The following KCNT2 variants were observed in gnomAD, a reference collection of about 807,000 sequenced individuals.
KCNT2 encodes potassium channel subfamily T member 2.
Under a neutral mutation model 153.8 loss-of-function variants are expected in KCNT2, and 67 were observed. That is an observed-to-expected ratio of 0.44 (90% CI 0.36 to 0.53). The LOEUF is 0.53. KCNT2 is among the 20% of genes least tolerant of loss of function. The pLI is 0.00. For synonymous variants in KCNT2, 500 were observed against 458.8 expected (o/e 1.09, Z -1.15); for missense variants, 975 against 1,354.8 (o/e 0.72, Z 4.40).
intron 21 of KCNT2, among the ~76,000 whole-genome samples, chr1:196,305,775 C>G (rs889550206): frequency 6.6e-6 from 1 of 152,054 alleles, no homozygotes; most frequent in Admixed American, 6.6e-5. Context: ...TCCTATGGCT[C>G]CTTATTCTCA....
chr1:196,592,732 T>C (rs1663531883), intron 1 of KCNT2, among the ~76,000 whole-genome samples: 1 of 147,048 alleles, frequency 6.8e-6, no homozygotes, highest in African/African-American at 2.5e-5. Context: ...TATATACATA[T>C]ATATATATAG....
At chr1:196,491,612 G>A (rs929477162) in intron 2 of KCNT2, among the ~76,000 whole-genome samples, 2 of 151,990 alleles carry the variant, frequency 1.3e-5, no homozygotes, top group African/African-American at 4.8e-5. Context: ...GAAGCAACAA[G>A]CATCAGCGGC....
intron 3 of KCNT2, among the ~76,000 whole-genome samples, chr1:196,489,209 T>A (rs1679669933): frequency 6.6e-6 from 1 of 151,948 alleles, no homozygotes; most frequent in Non-Finnish European, 1.5e-5. Flanking sequence ...AGGCAAAAGT[T>A]AGATTACTAA....
intron 1 of KCNT2, among the ~76,000 whole-genome samples, chr1:196,512,120 G>A (rs1489282507): frequency 6.6e-6 from 1 of 152,050 alleles, no homozygotes; most frequent in East Asian, 1.9e-4. Flanking sequence ...TCAGCATTAG[G>A]CACAGTTGAT....
chr1:196,589,354 A>G (rs1312681563), intron 1 of KCNT2, among the ~76,000 whole-genome samples: 1 of 152,050 alleles, frequency 6.6e-6, no homozygotes, highest in Non-Finnish European at 1.5e-5. Flanking sequence ...CCAACTTTAC[A>G]TTTTTTAATG....
chr1:196,318,580 T>C (rs1662967446), intron 20 of KCNT2, among the ~76,000 whole-genome samples: 3 of 151,810 alleles, frequency 2.0e-5, no homozygotes, highest in South Asian at 2.1e-4. Context: ...AAAAAGATGA[T>C]TGGTTATAAA....
At chr1:196,243,651 T>C (rs73063979) in intron 26 of KCNT2, among the ~76,000 whole-genome samples, 10,128 of 152,172 alleles carry the variant, frequency 0.067, 1,081 homozygotes, top group African/African-American at 0.23. Flanking sequence ...CTTAGACAAG[T>C]TCTAGCCAGA....
intron 1 of KCNT2, among the ~76,000 whole-genome samples, chr1:196,512,453 TTC>T (rs1378594149): frequency 6.6e-6 from 1 of 152,186 alleles, no homozygotes; most frequent in East Asian, 1.9e-4. Context: ...AAATTCCTTG[TTC>T]TCTTCCCTGA....
chr1:196,279,463 C>T (rs1442752303), intron 25 of KCNT2, among the ~76,000 whole-genome samples: 1 of 151,956 alleles, frequency 6.6e-6, no homozygotes, highest in Non-Finnish European at 1.5e-5. Flanking sequence ...CGCTCTGTCA[C>T]CCAGGCTGGA....
At chr1:196,253,951 T>A (rs1455157130) in intron 26 of KCNT2, among the ~76,000 whole-genome samples, 1 of 151,536 alleles carries the variant, frequency 6.6e-6, no homozygotes, top group East Asian at 1.9e-4. Context: ...AATATATGTA[T>A]AAGTGCAATT....
At chr1:196,479,364 TA>T (rs1210468638) in intron 4 of KCNT2, 126 bp from the exon 5 acceptor site, 2 of 585,746 alleles carry the variant, frequency 3.4e-6, no homozygotes, top group Non-Finnish European at 6.0e-6. Flanking sequence ...TAATAGGACT[TA>T]TTAGGCGGTA....
chr1:196,505,400 G>T (rs920587930), intron 1 of KCNT2, among the ~76,000 whole-genome samples: 1 of 152,042 alleles, frequency 6.6e-6, no homozygotes, highest in South Asian at 2.1e-4. Flanking sequence ...TTGTAGATAT[G>T]AGGCATTATT....
intron 8 of KCNT2, among the ~76,000 whole-genome samples, chr1:196,452,090 T>C (rs972901327): frequency 2.6e-5 from 4 of 151,986 alleles, no homozygotes; most frequent in Non-Finnish European, 5.9e-5. Context: ...GAGATCCCTC[T>C]ATAACTTCCC....
At chr1:196,514,226 G>A (rs1681871679) in intron 1 of KCNT2, among the ~76,000 whole-genome samples, 1 of 152,152 alleles carries the variant, frequency 6.6e-6, no homozygotes. Flanking sequence ...CATTTGCTGA[G>A]TGTTGAATGA....
chr1:196,584,168 G>GATAAAATAAAGTAAAATAAA (rs1553259547), intron 1 of KCNT2, among the ~76,000 whole-genome samples: 3 of 140,988 alleles, frequency 2.1e-5, no homozygotes, highest in Non-Finnish European at 4.6e-5. Flanking sequence ...CTGGAATTAA[G>GATAAAATAAAGTAAAATAAA]ATAAAATAAA....
chr1:196,316,728 C>A (rs747179127), intron 20 of KCNT2, among the ~76,000 whole-genome samples: 1 of 151,364 alleles, frequency 6.6e-6, no homozygotes, highest in Non-Finnish European at 1.5e-5. Context: ...CAGTCTTCTT[C>A]CCTATCACTG....
chr1:196,387,650 T>C (rs1670108760), intron 13 of KCNT2, among the ~76,000 whole-genome samples: 1 of 151,968 alleles, frequency 6.6e-6, no homozygotes, highest in Admixed American at 6.6e-5. Context: ...AATCTTCATT[T>C]TGCTGATGAT....
chr1:196,505,303 G>T (rs1269605916), intron 1 of KCNT2, among the ~76,000 whole-genome samples: 3 of 152,134 alleles, frequency 2.0e-5, no homozygotes, highest in Admixed American at 2.0e-4. Flanking sequence ...TTCTACATAT[G>T]GCTAACCAGT....
At chr1:196,422,622 G>C (rs980972809) in intron 12 of KCNT2, among the ~76,000 whole-genome samples, 2 of 151,818 alleles carry the variant, frequency 1.3e-5, no homozygotes, top group Non-Finnish European at 2.9e-5. Flanking sequence ...TACAGAGATT[G>C]TTGATTACCA....
Sources: gnomAD v4.1 joint callset for allele counts (sites outside exome capture counted in the v4.1 genomes callset) on GRCh38, gnomAD v4.1.1 for gene constraint, MANE v1.5 for transcripts, NCBI Gene and HGNC (gene_info 2026-07-23, HGNC 2026-07-21) for gene names.